ST8SIA5: variants seen among roughly 807,000 people sequenced by gnomAD.
The protein encoded by ST8SIA5 is ST8 alpha-N-acetyl-neuraminide alpha-2,8-sialyltransferase 5.
ST8SIA5 carries 24 observed loss-of-function variants against 40.2 expected under a neutral mutation model. The ratio of observed to expected loss-of-function variants is 0.60; its 90% confidence interval spans 0.43 to 0.84. ST8SIA5 has a LOEUF of 0.84. ST8SIA5 is among the 40% of genes least tolerant of loss of function. The pLI is 0.00. For missense variants in ST8SIA5, 465 were observed against 498.5 expected (o/e 0.93, Z 0.64); for synonymous variants, 198 against 201.8 (o/e 0.98, Z 0.16).
At chr18:46,736,305 C>A (rs540585000) in intron 1 of ST8SIA5, among the ~76,000 whole-genome samples, 2 of 152,120 alleles carry the variant, frequency 1.3e-5, no homozygotes, top group African/African-American at 4.8e-5. Context: ...AAAGGGCACA[C>A]AATGGATGCT....
intron 1 of ST8SIA5, among the ~76,000 whole-genome samples, chr18:46,722,009 C>T (rs931886558): frequency 1.3e-5 from 2 of 152,114 alleles, no homozygotes; most frequent in East Asian, 1.9e-4. Context: ...ACATGCATGT[C>T]GGGAGAAGGC....
At chr18:46,742,106 T>A (rs577565) in intron 1 of ST8SIA5, among the ~76,000 whole-genome samples, 106,152 of 149,880 alleles carry the variant, frequency 0.71, 38,124 homozygotes, top group Middle Eastern at 0.8. Context: ...ATGTAAAAAA[T>A]AAATAAATAA....
At chr18:46,684,486 A>G (rs1386693085) in intron 5 of ST8SIA5, among the ~76,000 whole-genome samples, 1 of 152,170 alleles carries the variant, frequency 6.6e-6, no homozygotes. Context: ...GGTAGTTACT[A>G]TTATCATCCT....
intron 2 of ST8SIA5, among the ~76,000 whole-genome samples, chr18:46,702,157 A>G (rs575239321): frequency 6.6e-6 from 1 of 151,604 alleles, no homozygotes; most frequent in African/African-American, 2.4e-5. Flanking sequence ...AAAAAAAAAA[A>G]AAAAACAGAA....
At chr18:46,712,917 A>G (rs1225302321) in intron 1 of ST8SIA5, among the ~76,000 whole-genome samples, 1 of 152,222 alleles carries the variant, frequency 6.6e-6, no homozygotes, top group African/African-American at 2.4e-5. Flanking sequence ...ACATGAATAG[A>G]GGCATGGAGC....
chr18:46,728,726 C>T (rs1322087415), intron 1 of ST8SIA5, among the ~76,000 whole-genome samples: 1 of 152,192 alleles, frequency 6.6e-6, no homozygotes, highest in Non-Finnish European at 1.5e-5. Flanking sequence ...GGCCCCCCCA[C>T]ATGCTCTGGA....
At chr18:46,686,372 A>G in intron 4 of ST8SIA5, 86 bp from the exon 5 acceptor site, 1 of 1,082,848 alleles carries the variant, frequency 9.2e-7, no homozygotes, top group East Asian at 2.5e-5. Flanking sequence ...ACACCCACCT[A>G]TATTAGCTCC....
chr18:46,685,992 A>G (rs1758670855), intron 5 of ST8SIA5, 182 bp downstream of exon 5: 5 of 620,612 alleles, frequency 8.1e-6, no homozygotes, highest in Non-Finnish European at 1.2e-5. Context: ...AGGACCTAGG[A>G]GTTCAACGAC....
In ST8SIA5 at chr18:46,679,996, A is replaced by C; in HGVS notation, c.*46T>G. The C allele has an allele frequency of 6.4e-7, 1 of 1,552,952 alleles. No individual in the cohort carries two copies. On this transcript the variant is annotated 3_prime_UTR_variant, in exon 7 of 7. Transcript: ENST00000315087. The stretch of plus-strand genomic sequence containing the variant: ...GGCTCCCAGTTCCACCAGGAGGGAC[A>C]GCAGGAGAGGGGGCGCCGCTTGCCG...
In ST8SIA5 at chr18:46,668,675, T is replaced by A. The variant is rs1241458269; in HGVS notation, c.*11367A>T. The A allele has an allele frequency of 6.6e-6, 1 of 152,240 alleles. No homozygotes were observed. The highest frequency in any genetic ancestry group is 2.4e-5 in the African/African-American group (1 of 41,454). The allele number at this position is 152,240 out of a possible 1,614,324, so 9.4% of individuals were successfully genotyped here. A position where few individuals can be genotyped will look rare whatever the true frequency, so the allele number is the denominator to read the frequency against. ...TTGAAGAAGAGTTATGGCTCTCTGA[T>A]GGGAGGCGAGTCGGTTCCAGAAAGG... is the stretch of plus-strand genomic sequence containing the variant. On this transcript the variant is annotated 3_prime_UTR_variant, in exon 7 of 7. Coordinates refer to ENST00000315087, the MANE Select transcript of ST8SIA5 (RefSeq NM_013305.6).
intron 1 of ST8SIA5, among the ~76,000 whole-genome samples, chr18:46,708,859 C>A (rs2039694655): frequency 6.6e-6 from 1 of 152,156 alleles, no homozygotes; most frequent in Admixed American, 6.5e-5. Context: ...TCCTTCATGA[C>A]AGTCATTTCC....
intron 2 of ST8SIA5, among the ~76,000 whole-genome samples, chr18:46,700,589 G>A (rs1431197093): frequency 1.3e-5 from 2 of 152,158 alleles, no homozygotes; most frequent in Non-Finnish European, 2.9e-5. Flanking sequence ...ACACACTCAT[G>A]CCCCAGGAAC....
At chr18:46,686,586 T>TG (rs142555849) in intron 4 of ST8SIA5, among the ~76,000 whole-genome samples, 3,325 of 152,218 alleles carry the variant, frequency 0.022, 133 homozygotes, top group African/African-American at 0.076. Context: ...GCCTGCAGCC[T>TG]GGGCTTCCGG....
At chr18:46,717,226 G>A (rs1475633027) in intron 1 of ST8SIA5, among the ~76,000 whole-genome samples, 2 of 152,216 alleles carry the variant, frequency 1.3e-5, no homozygotes, top group Non-Finnish European at 2.9e-5. Context: ...TGGAGGACAA[G>A]TACCCTCTAT....
At chr18:46,683,501 G>A (rs2144463384) in intron 5 of ST8SIA5, among the ~76,000 whole-genome samples, 1 of 152,198 alleles carries the variant, frequency 6.6e-6, no homozygotes, top group African/African-American at 2.4e-5. Context: ...GCACAGGCAA[G>A]GTGGGAGTGG....
intron 2 of ST8SIA5, among the ~76,000 whole-genome samples, chr18:46,703,903 T>C (rs1487376974): frequency 1.3e-5 from 2 of 152,238 alleles, no homozygotes; most frequent in East Asian, 3.8e-4. Context: ...TTTAATGTGC[T>C]TTCCCTCCTG....
rs140678036 is a variant in ST8SIA5 at position 46,737,972 on chromosome 18, C to T, written c.131+18406G>A. ...TTTTAGTAGAGATAGGATTTCACCACGTTGGCCAGGCTGGTCTCAAACTCC... is the reference window on the plus strand; with the variant it reads ...TTTTAGTAGAGATAGGATTTCACCATGTTGGCCAGGCTGGTCTCAAACTCC... On this transcript the variant is annotated intron_variant, in intron 1 of 6. Coordinates refer to ENST00000315087, the MANE Select transcript of ST8SIA5 (RefSeq NM_013305.6). Among the ~76,000 whole-genome samples the T allele has an allele frequency of 3.0e-3, 463 of 151,976 alleles. 5 individuals carry two copies. Among genetic ancestry groups the T allele is most frequent in the African/African-American group, 0.011 (445 of 41,426 alleles).
rs73433006 is a variant in ST8SIA5, at chr18:46,668,495, A to G, written c.*11547T>C. The G allele has an allele frequency of 3.3e-5, 5 of 152,828 alleles. No individual in the cohort carries two copies. The highest frequency in any genetic ancestry group is 6.5e-5 in the Admixed American group (1 of 15,292). 9.5% of individuals were successfully genotyped at this position (152,828 alleles called of 1,614,324 possible). A position where few individuals can be genotyped will look rare whatever the true frequency, so the allele number is the denominator to read the frequency against. On this transcript the variant is annotated 3_prime_UTR_variant, in exon 7 of 7. Coordinates refer to ENST00000315087, the MANE Select transcript of ST8SIA5 (RefSeq NM_013305.6). ...CCACAGCTCCCATGCTGACTCCAGC[A>G]TCTGTCCTGGCTTTACTTGGGGAGG...
chr18:46,710,628 C>A (rs1172065913), intron 1 of ST8SIA5, among the ~76,000 whole-genome samples: 2 of 110,826 alleles, frequency 1.8e-5, no homozygotes, highest in Non-Finnish European at 1.9e-5. Context: ...GCAAACTCCC[C>A]CTCCCGGGTT....
Sources: allele counts gnomAD v4.1 joint callset (sites outside exome capture counted in the v4.1 genomes callset), GRCh38; gene constraint gnomAD v4.1.1; transcripts MANE v1.5; gene names NCBI Gene and HGNC (gene_info 2026-07-23, HGNC 2026-07-21).